Variants in NTM observed in about 807,000 individuals in gnomAD.
NTM encodes neurotrimin, also known as IgLON family member 2.
Under a neutral mutation model 42.1 loss-of-function variants are expected in NTM, and 13 were observed. The observed-to-expected ratio is 0.31, with a 90% CI of 0.20 to 0.49. NTM has a LOEUF of 0.49. Among genes scored for constraint, NTM ranks in the 20% least tolerant of loss-of-function variants. NTM has a pLI of 0.99. For synonymous variants in NTM, 187 were observed against 179.2 expected (o/e 1.04, Z -0.35); for missense variants, 373 against 452.8 (o/e 0.82, Z 1.60).
intron 7 of NTM, among the ~76,000 whole-genome samples, chr11:132,315,647 A>G (rs2095409301): frequency 6.6e-6 from 1 of 152,202 alleles, no homozygotes; most frequent in South Asian, 2.1e-4. Flanking sequence ...AAACTTTGGG[A>G]TAATCCCATG....
chr11:131,826,847 TC>T (rs2042194569), intron 1 of NTM, among the ~76,000 whole-genome samples: 1 of 152,216 alleles, frequency 6.6e-6, no homozygotes, highest in African/African-American at 2.4e-5. Flanking sequence ...TGCAGTTTCT[TC>T]CTGTAGGAGT....
At chr11:131,645,321 C>T (rs1398743613) in intron 1 of NTM, among the ~76,000 whole-genome samples, 1 of 152,170 alleles carries the variant, frequency 6.6e-6, no homozygotes, top group South Asian at 2.1e-4. Context: ...CCTTTCTCCT[C>T]GCCGTGCGTT....
At chr11:131,436,064 G>A (rs1272286009) in intron 1 of NTM, among the ~76,000 whole-genome samples, 1 of 152,108 alleles carries the variant, frequency 6.6e-6, no homozygotes, top group Non-Finnish European at 1.5e-5. Context: ...TTTAACGTTG[G>A]ATCTGTTTAT....
intron 1 of NTM, among the ~76,000 whole-genome samples, chr11:131,682,590 C>A (rs1737989198): frequency 6.6e-6 from 1 of 152,220 alleles, no homozygotes; most frequent in African/African-American, 2.4e-5. Flanking sequence ...TTAAACCCTG[C>A]AAAGTAGAGG....
At chr11:131,580,813 A>G (rs1262823775) in intron 1 of NTM, among the ~76,000 whole-genome samples, 1 of 152,178 alleles carries the variant, frequency 6.6e-6, no homozygotes, top group African/African-American at 2.4e-5. Context: ...GTAGAGATGA[A>G]AAAAGAATCT....
chr11:131,660,763 G>C (rs2067928103), intron 1 of NTM: 1 of 835,950 alleles, frequency 1.2e-6, no homozygotes, highest in Non-Finnish European at 1.6e-6. Flanking sequence ...ACTGGGCCCT[G>C]GGGATAGGCT....
At chr11:132,108,275 T>C (rs1465542946) in intron 2 of NTM, among the ~76,000 whole-genome samples, 1 of 152,228 alleles carries the variant, frequency 6.6e-6, no homozygotes, top group Non-Finnish European at 1.5e-5. Flanking sequence ...AATAGCTGCA[T>C]GAGCCTCCTA....
intron 2 of NTM, among the ~76,000 whole-genome samples, chr11:132,062,952 G>A (rs1202903379): frequency 3.3e-5 from 5 of 152,144 alleles, no homozygotes; most frequent in Non-Finnish European, 7.3e-5. Context: ...CAGGGGCTTG[G>A]GAGAAAGGTC....
chr11:131,507,095 T>C (rs1469030680), intron 1 of NTM, among the ~76,000 whole-genome samples: 1 of 152,120 alleles, frequency 6.6e-6, no homozygotes, highest in Non-Finnish European at 1.5e-5. Flanking sequence ...CTAGAATAAA[T>C]CAGAAGGATT....
At chr11:131,414,467 T>C (rs916777662) in intron 1 of NTM, among the ~76,000 whole-genome samples, 2 of 152,174 alleles carry the variant, frequency 1.3e-5, no homozygotes, top group Non-Finnish European at 2.9e-5. Context: ...TGCTGCTGTG[T>C]GCAGATCAGG....
intron 1 of NTM, among the ~76,000 whole-genome samples, chr11:131,572,759 A>G (rs1200674910): frequency 6.6e-6 from 1 of 152,234 alleles, no homozygotes; most frequent in Non-Finnish European, 1.5e-5. Context: ...ACTTTCAGGC[A>G]GAAGCTTTTT....
intron 2 of NTM, among the ~76,000 whole-genome samples, chr11:132,046,516 A>G (rs1277118122): frequency 6.6e-6 from 1 of 152,214 alleles, no homozygotes; most frequent in African/African-American, 2.4e-5. Context: ...TGACCTAATG[A>G]TTAATGGCTT....
chr11:132,183,174 A>T (rs2077836755), intron 3 of NTM, among the ~76,000 whole-genome samples: 1 of 152,196 alleles, frequency 6.6e-6, no homozygotes, highest in Non-Finnish European at 1.5e-5. Context: ...AGCACATAGT[A>T]GTTGCTCAGG....
chr11:131,674,891 A>G (rs1391685305), intron 1 of NTM, among the ~76,000 whole-genome samples: 1 of 152,216 alleles, frequency 6.6e-6, no homozygotes, highest in African/African-American at 2.4e-5. Context: ...ATTTGGTCTT[A>G]TATTCTCCCT....
At chr11:131,936,488 A>G (rs1157295894) in intron 2 of NTM, among the ~76,000 whole-genome samples, 1 of 152,178 alleles carries the variant, frequency 6.6e-6, no homozygotes, top group African/African-American at 2.4e-5. Context: ...TTGGAGACTC[A>G]GAAGGAGGGT....
chr11:131,985,765 G>A lies in NTM; in HGVS notation c.167+74117G>A, dbSNP rs571753668. Among the ~76,000 whole-genome samples, 60 of 152,308 alleles carry A rather than the reference G, an allele frequency of 3.9e-4. 1 individual carries two copies. Among genetic ancestry groups the A allele is most frequent in the African/African-American group, 1.4e-3 (58 of 41,574 alleles). On this transcript the variant is annotated intron_variant, in intron 2 of 8. Transcript: ENST00000683400. Reference sequence around the variant, plus strand: ...CGTAATTGTAAGAGGTGGGAAAATGGCATCGAGTAGGGTGCCCAAGAAGAA... The same window carrying A: ...CGTAATTGTAAGAGGTGGGAAAATGACATCGAGTAGGGTGCCCAAGAAGAA...
chr11:131,955,022 C>T (rs919043418), intron 2 of NTM, among the ~76,000 whole-genome samples: 9 of 152,072 alleles, frequency 5.9e-5, no homozygotes, highest in African/African-American at 2.2e-4. Context: ...GATGAACATC[C>T]TCATTGTCTT....
chr11:132,024,034 G>T (rs2135558689), intron 2 of NTM, among the ~76,000 whole-genome samples: 1 of 151,798 alleles, frequency 6.6e-6, no homozygotes, highest in South Asian at 2.1e-4. Flanking sequence ...TTAGCCAGGA[G>T]GTCTCGATCT....
intron 1 of NTM, among the ~76,000 whole-genome samples, chr11:131,700,162 T>C (rs1310369821): frequency 1.3e-5 from 2 of 152,172 alleles, no homozygotes; most frequent in African/African-American, 4.8e-5. Context: ...CTAATTTTAC[T>C]TCATTTGTTA....
Sources: gnomAD v4.1 joint callset for allele counts (sites outside exome capture counted in the v4.1 genomes callset) on GRCh38, gnomAD v4.1.1 for gene constraint, MANE v1.5 for transcripts, NCBI Gene and HGNC (gene_info 2026-07-23, HGNC 2026-07-21) for gene names.